The following CDH13 variants were observed in gnomAD, a reference collection of about 807,000 sequenced individuals.
CDH13 encodes cadherin 13, also known as cadherin-13.
Under a neutral mutation model 63.8 loss-of-function variants are expected in CDH13, and 24 were observed. The observed-to-expected ratio is 0.38, with a 90% CI of 0.27 to 0.53. The LOEUF (loss-of-function observed/expected upper bound fraction) is 0.53, where lower values mean the gene tolerates loss of function less well. Among genes scored for constraint, CDH13 ranks in the 20% least tolerant of loss-of-function variants. The pLI is 0.85. For missense variants in CDH13, 1,049 were observed against 903.1 expected, an observed-to-expected ratio of 1.16 and a Z score of -2.07; for synonymous variants, 503 against 355.3, an observed-to-expected ratio of 1.42 and a Z score of -4.67.
At chr16:83,171,300 C>CT (rs2037906370) in intron 4 of CDH13, among the ~76,000 whole-genome samples, 1 of 152,062 alleles carries the variant, frequency 6.6e-6, no homozygotes, top group Non-Finnish European at 1.5e-5. Flanking sequence ...TGTGAGAACT[C>CT]TATCATGAGA....
chr16:82,965,942 G>A (rs930672726), intron 2 of CDH13, among the ~76,000 whole-genome samples: 3 of 152,178 alleles, frequency 2.0e-5, no homozygotes, highest in African/African-American at 7.2e-5. Flanking sequence ...GAGAAAAAGT[G>A]CACATGTAAA....
chr16:82,664,395 G>A (rs1031516757), intron 1 of CDH13, among the ~76,000 whole-genome samples: 4 of 152,216 alleles, frequency 2.6e-5, no homozygotes, highest in African/African-American at 7.2e-5. Flanking sequence ...CTGAGAGAGC[G>A]AGGGTTGGGT....
intron 6 of CDH13, among the ~76,000 whole-genome samples, chr16:83,477,006 G>C (rs956695750): frequency 1.3e-5 from 2 of 152,138 alleles, no homozygotes; most frequent in Non-Finnish European, 2.9e-5. Context: ...ATAAAAGGAA[G>C]AAATTAGGAC....
intron 6 of CDH13, among the ~76,000 whole-genome samples, chr16:83,423,153 G>C (rs1415854901): frequency 1.3e-5 from 2 of 152,070 alleles, no homozygotes; most frequent in African/African-American, 2.4e-5. Context: ...GAAATAACCA[G>C]GGTCCCACAA....
At chr16:83,722,921 G>A (rs1361908474) in intron 10 of CDH13, among the ~76,000 whole-genome samples, 1 of 152,240 alleles carries the variant, frequency 6.6e-6, no homozygotes, top group Non-Finnish European at 1.5e-5. Flanking sequence ...TCCCACTGAG[G>A]AAGGCCAAGT....
intron 4 of CDH13, among the ~76,000 whole-genome samples, chr16:83,179,303 C>G (rs112314772): frequency 2.6e-5 from 4 of 152,070 alleles, no homozygotes; most frequent in African/African-American, 9.6e-5. Flanking sequence ...CTCCTTAAAT[C>G]TCTCAACCCT....
At chr16:83,238,105 A>AT (rs1904278644) in intron 5 of CDH13, among the ~76,000 whole-genome samples, 1 of 2,936 alleles carries the variant, frequency 3.4e-4, no homozygotes, top group Non-Finnish European at 8.6e-3. Context: ...TGAGGAGTGG[A>AT]TCCCTTTTTC....
intron 1 of CDH13, among the ~76,000 whole-genome samples, chr16:82,747,511 C>G (rs549993826): frequency 5.6e-4 from 85 of 152,314 alleles, no homozygotes; most frequent in African/African-American, 2.0e-3. Flanking sequence ...CCAGCAGCAT[C>G]TGCATTACCT....
intron 3 of CDH13, among the ~76,000 whole-genome samples, chr16:83,093,038 T>C (rs72798308): frequency 0.056 from 8,579 of 152,262 alleles, 296 homozygotes; most frequent in Non-Finnish European, 0.072. Flanking sequence ...AAATACCTTA[T>C]TTTTCTCTTC....
In CDH13 at chr16:83,279,913, A is replaced by G. The variant is rs146101026; in HGVS notation, c.636+62416A>G. On this transcript the variant is annotated intron_variant, in intron 5 of 13. Coordinates refer to ENST00000567109, the MANE Select transcript of CDH13 (RefSeq NM_001257.5). Reference sequence around the variant, plus strand: ...TATACTGCAATGTAGTAAGTATGCAATAGTTTCATGTCTGAAAAATGTACA... The same window carrying G: ...TATACTGCAATGTAGTAAGTATGCAGTAGTTTCATGTCTGAAAAATGTACA... Among the ~76,000 whole-genome samples the G allele has an allele frequency of 7.2e-5, 11 of 152,256 alleles. No homozygotes were observed. The East Asian group carries it at 1.7e-3, about 24-fold the overall frequency.
chr16:83,014,800 A>ATGTG (rs1405140123), intron 2 of CDH13, among the ~76,000 whole-genome samples: 2,212 of 58,366 alleles, frequency 0.038, 62 homozygotes, highest in Non-Finnish European at 0.057. Context: ...TTGTATATAT[A>ATGTG]TATGTATATA....
intron 10 of CDH13, among the ~76,000 whole-genome samples, chr16:83,682,685 T>G (rs1270913922): frequency 1.3e-5 from 2 of 152,142 alleles, no homozygotes; most frequent in Non-Finnish European, 2.9e-5. Context: ...CCTGTCTGTC[T>G]CTCTGCTGCT....
At chr16:83,394,518 G>A (rs935144442) in intron 6 of CDH13, among the ~76,000 whole-genome samples, 1 of 152,160 alleles carries the variant, frequency 6.6e-6, no homozygotes, top group Non-Finnish European at 1.5e-5. Context: ...AGTGAGAAGG[G>A]GAGCAGAAGC....
chr16:82,946,644 C>G (rs577794354), intron 2 of CDH13, among the ~76,000 whole-genome samples: 6 of 151,796 alleles, frequency 4.0e-5, no homozygotes, highest in Admixed American at 1.3e-4. Flanking sequence ...TTGCTTGAAA[C>G]CAGGAGGTGG....
chr16:83,131,590 T>C (rs7194173), intron 4 of CDH13, among the ~76,000 whole-genome samples: 70,594 of 151,964 alleles, frequency 0.46, 18,399 homozygotes, highest in Non-Finnish European at 0.57. Context: ...TTGGGCCCGA[T>C]TGATTGAGAG....
At chr16:82,970,382 CTTTTTTTTTTTTTT>C (rs558393653) in intron 2 of CDH13, among the ~76,000 whole-genome samples, 2 of 76,758 alleles carry the variant, frequency 2.6e-5, no homozygotes, top group Admixed American at 1.4e-4. Context: ...AGTGCATATT[CTTTTTTTTTTTTTT>C]TTTTTTTTTT....
intron 7 of CDH13, among the ~76,000 whole-genome samples, chr16:83,514,543 G>A (rs539639693): frequency 1.3e-5 from 2 of 152,182 alleles, no homozygotes; most frequent in Non-Finnish European, 2.9e-5. Flanking sequence ...TACTCAGGAG[G>A]CTGAGGCATG....
At chr16:83,239,441 T>A (rs1308324852) in intron 5 of CDH13, among the ~76,000 whole-genome samples, 1 of 152,216 alleles carries the variant, frequency 6.6e-6, no homozygotes, top group African/African-American at 2.4e-5. Context: ...GATATTCACA[T>A]GACTGTCTTT....
intron 3 of CDH13, among the ~76,000 whole-genome samples, chr16:83,098,247 A>G (rs753626812): frequency 5.9e-5 from 9 of 152,228 alleles, no homozygotes; most frequent in Non-Finnish European, 1.0e-4. Context: ...AGCATTTCAT[A>G]TATGGTATAA....
Sources: allele counts gnomAD v4.1 joint callset (sites outside exome capture counted in the v4.1 genomes callset), GRCh38; gene constraint gnomAD v4.1.1; transcripts MANE v1.5; gene names NCBI Gene and HGNC (gene_info 2026-07-23, HGNC 2026-07-21).